Variants in DDAH1 observed in about 807,000 individuals in gnomAD.
DDAH1 encodes the protein N(G),N(G)-dimethylarginine dimethylaminohydrolase 1.
In DDAH1, 19 loss-of-function variants were observed where a neutral mutation model predicts 28.8. The ratio of observed to expected loss-of-function variants is 0.66; its 90% CI spans 0.46 to 0.97. The LOEUF (loss-of-function observed/expected upper bound fraction) is 0.97. DDAH1 is among the 50% of genes least tolerant of loss of function. DDAH1 has a pLI of 0.00. For missense variants in DDAH1, 326 were observed against 375.9 expected (o/e 0.87, Z 1.10); for synonymous variants, 153 against 154.4 (o/e 0.99, Z 0.07).
intron 1 of DDAH1, among the ~76,000 whole-genome samples, chr1:85,439,417 A>G (rs1173091030): frequency 1.3e-5 from 2 of 152,268 alleles, no homozygotes; most frequent in African/African-American, 4.8e-5. Flanking sequence ...TGTCTGACAC[A>G]GTTCTGATCT....
At chr1:85,415,072 T>G (rs544658959) in intron 1 of DDAH1, among the ~76,000 whole-genome samples, 4 of 127,494 alleles carry the variant, frequency 3.1e-5, no homozygotes, top group South Asian at 2.7e-4. Context: ...TGGAGTGCAA[T>G]GGTGCTATCT....
In DDAH1 at chr1:85,532,523, T is replaced by C. The variant is rs369764079; in HGVS notation, c.-122-36242A>G. On this transcript the variant is annotated intron_variant, in intron 1 of 6. Transcript: ENST00000426972. ...TCTAACATTTATTGCATGTTTATTA[T>C]GGACCAGGCACTCTGCCATGTGCTT... is the stretch of plus-strand genomic sequence containing the variant. Among the ~76,000 whole-genome samples, 761 of 152,156 alleles carry C rather than the reference T, an allele frequency of 5.0e-3. 6 individuals carry two copies. The highest frequency in any genetic ancestry group is 0.017 in the African/African-American group (715 of 41,460).
chr1:85,352,425 T>C (rs938980911), intron 2 of DDAH1, among the ~76,000 whole-genome samples: 9 of 152,178 alleles, frequency 5.9e-5, no homozygotes, highest in African/African-American at 2.2e-4. Context: ...ATGATTGTAA[T>C]AAAGCATCCA....
intron 2 of DDAH1, among the ~76,000 whole-genome samples, chr1:85,356,819 A>C (rs1441822982): frequency 1.3e-5 from 2 of 152,216 alleles, no homozygotes; most frequent in East Asian, 3.8e-4. Context: ...ATGCTAGGGA[A>C]AGACCTTTGA....
intron 4 of DDAH1, among the ~76,000 whole-genome samples, chr1:85,338,111 A>G (rs1157079529): frequency 1.3e-5 from 2 of 152,220 alleles, no homozygotes; most frequent in Non-Finnish European, 2.9e-5. Flanking sequence ...TCATGTATTT[A>G]GTATCATACC....
intron 1 of DDAH1, among the ~76,000 whole-genome samples, chr1:85,567,436 TTC>T (rs1659336962): frequency 1.3e-5 from 2 of 152,176 alleles, no homozygotes; most frequent in South Asian, 4.1e-4. Context: ...AATGGGGAGT[TTC>T]TCTGCACAAG....
chr1:85,366,463 A>C (rs1650081363), intron 1 of DDAH1, among the ~76,000 whole-genome samples: 1 of 152,106 alleles, frequency 6.6e-6, no homozygotes, highest in Non-Finnish European at 1.5e-5. Context: ...AAATTAACCA[A>C]GATATTTAGC....
intron 1 of DDAH1, among the ~76,000 whole-genome samples, chr1:85,498,915 C>T (rs1336900253): frequency 6.6e-6 from 1 of 151,814 alleles, no homozygotes; most frequent in Non-Finnish European, 1.5e-5. Flanking sequence ...AAGTGAGACC[C>T]TGTCTCAAAA....
At chr1:85,430,425 A>G (rs1397559145) in intron 1 of DDAH1, among the ~76,000 whole-genome samples, 3 of 152,174 alleles carry the variant, frequency 2.0e-5, no homozygotes, top group Non-Finnish European at 4.4e-5. Context: ...GTTTTTTCTA[A>G]TTCTGTGAAG....
chr1:85,550,134 A>G (rs1029359681), intron 1 of DDAH1, among the ~76,000 whole-genome samples: 5 of 152,204 alleles, frequency 3.3e-5, no homozygotes, highest in Admixed American at 1.3e-4. Context: ...TACATATTCT[A>G]TATTTTAGAT....
At chr1:85,566,404 A>G (rs1204195949) in intron 1 of DDAH1, among the ~76,000 whole-genome samples, 1 of 150,302 alleles carries the variant, frequency 6.7e-6, no homozygotes, top group Non-Finnish European at 1.5e-5. Context: ...ATGTGGGAGG[A>G]TGGCTCGAGC....
At chr1:85,411,691 C>G (rs1227038588) in intron 1 of DDAH1, among the ~76,000 whole-genome samples, 2 of 152,226 alleles carry the variant, frequency 1.3e-5, no homozygotes, top group Admixed American at 1.3e-4. Flanking sequence ...TTCCTGATAG[C>G]TGCCATGATG....
At chr1:85,500,116 TTCTTTCTTTC>T (rs1222327960) in intron 1 of DDAH1, among the ~76,000 whole-genome samples, 1 of 3,978 alleles carries the variant, frequency 2.5e-4, no homozygotes, top group Admixed American at 4.8e-3. Context: ...TTCTTTTCTT[TTCTTTCTTTC>T]TTTCTTTCTT....
intron 2 of DDAH1, among the ~76,000 whole-genome samples, chr1:85,479,556 G>A (rs1261689668): frequency 1.3e-5 from 2 of 152,138 alleles, no homozygotes; most frequent in Non-Finnish European, 2.9e-5. Context: ...TACCACAATC[G>A]GGGTTTTCAC....
At chr1:85,425,288 G>C (rs1653342724) in intron 1 of DDAH1, among the ~76,000 whole-genome samples, 1 of 151,848 alleles carries the variant, frequency 6.6e-6, no homozygotes, top group Admixed American at 6.6e-5. Context: ...GTTCATCTCT[G>C]CAAGCTAGTA....
chr1:85,565,953 C>T (rs113119974), intron 1 of DDAH1, among the ~76,000 whole-genome samples: 13 of 152,050 alleles, frequency 8.5e-5, no homozygotes, highest in South Asian at 8.3e-4. Flanking sequence ...TGGTGGCACG[C>T]GCCTGTTATC....
At chr1:85,456,747 T>C (rs1486236958) in intron 1 of DDAH1, among the ~76,000 whole-genome samples, 1 of 152,206 alleles carries the variant, frequency 6.6e-6, no homozygotes, top group Non-Finnish European at 1.5e-5. Flanking sequence ...TATAACTACA[T>C]ACTACAAGAT....
chr1:85,377,763 A>G (rs1650753573), intron 1 of DDAH1, among the ~76,000 whole-genome samples: 1 of 147,618 alleles, frequency 6.8e-6, no homozygotes, highest in Non-Finnish European at 1.5e-5. Context: ...AAAATTTTTG[A>G]GTAATCCATT....
chr1:85,366,961 G>A (rs960561899), intron 1 of DDAH1, among the ~76,000 whole-genome samples: 4 of 152,154 alleles, frequency 2.6e-5, no homozygotes, highest in African/African-American at 9.7e-5. Flanking sequence ...TTTCCTATAA[G>A]AGAGACGTCA....
Sources: gnomAD v4.1 joint callset for allele counts (sites outside exome capture counted in the v4.1 genomes callset) on GRCh38, gnomAD v4.1.1 for gene constraint, MANE v1.5 for transcripts, NCBI Gene and HGNC (gene_info 2026-07-23, HGNC 2026-07-21) for gene names.